ZFPM2: variants seen among roughly 807,000 people sequenced by gnomAD.
ZFPM2 encodes zinc finger protein, FOG family member 2, also known as zinc finger protein ZFPM2.
A neutral mutation model predicts 98.6 loss-of-function variants in ZFPM2; 20 were observed. The observed-to-expected ratio is 0.20, with a 90% CI of 0.14 to 0.29. ZFPM2 has a LOEUF of 0.29. Ranked by LOEUF, ZFPM2 falls within the 10% of genes least tolerant of loss-of-function variation. The probability of loss-of-function intolerance (pLI) is 1.00; values close to 1 mark genes in which losing one functional copy is unlikely to be tolerated. For missense variants in ZFPM2, 1,310 were observed against 1,388.6 expected (o/e 0.94, Z 0.90); for synonymous variants, 518 against 502.7 (o/e 1.03, Z -0.41).
intron 5 of ZFPM2, among the ~76,000 whole-genome samples, chr8:105,699,962 T>C (rs936352393): frequency 6.6e-6 from 1 of 152,212 alleles, no homozygotes; most frequent in Non-Finnish European, 1.5e-5. Context: ...AAAAATGAAA[T>C]GTAAATACTT....
chr8:105,393,330 C>CTGTCTTTCTTTCTTTCTTTCTT (rs1245789213), intron 1 of ZFPM2, among the ~76,000 whole-genome samples: 1 of 132,834 alleles, frequency 7.5e-6, no homozygotes, highest in Non-Finnish European at 1.6e-5. Context: ...CCCTCTCTCT[C>CTGTCTTTCTTTCTTTCTTTCTT]TCTTTGCCTT....
chr8:105,616,075 T>G (rs1816408477), intron 4 of ZFPM2, among the ~76,000 whole-genome samples: 1 of 152,050 alleles, frequency 6.6e-6, no homozygotes, highest in Admixed American at 6.6e-5. Flanking sequence ...ATTTGCATAT[T>G]CTGAAATGTT....
intron 4 of ZFPM2, among the ~76,000 whole-genome samples, chr8:105,562,940 A>C (rs1382490595): frequency 6.6e-6 from 1 of 152,236 alleles, no homozygotes; most frequent in Non-Finnish European, 1.5e-5. Context: ...ACAATAGCTG[A>C]AAACCTCTCT....
chr8:105,585,879 T>C (rs1224791301), intron 4 of ZFPM2, among the ~76,000 whole-genome samples: 1 of 151,880 alleles, frequency 6.6e-6, no homozygotes, highest in Non-Finnish European at 1.5e-5. Flanking sequence ...ACCTAAGATA[T>C]ATTTTAGGAT....
chr8:105,386,863 C>T (rs373833340), intron 1 of ZFPM2, among the ~76,000 whole-genome samples: 2 of 152,024 alleles, frequency 1.3e-5, no homozygotes, highest in East Asian at 1.9e-4. Context: ...AAGTTCTCCA[C>T]GTACCCACTA....
intron 4 of ZFPM2, among the ~76,000 whole-genome samples, chr8:105,571,000 A>G (rs1435802750): frequency 5.9e-5 from 9 of 152,182 alleles, no homozygotes; most frequent in Admixed American, 5.9e-4. Flanking sequence ...GATTAGTGCT[A>G]TTAATTTAAT....
chr8:105,727,389 A>C (rs1386801385), intron 5 of ZFPM2, among the ~76,000 whole-genome samples: 3 of 151,718 alleles, frequency 2.0e-5, no homozygotes, highest in African/African-American at 2.4e-5. Context: ...TACATAAATA[A>C]ATAAAGCATA....
At chr8:105,431,285 C>G (rs1812015356) in intron 2 of ZFPM2, among the ~76,000 whole-genome samples, 1 of 152,250 alleles carries the variant, frequency 6.6e-6, no homozygotes, top group Admixed American at 6.5e-5. Context: ...ATGCCCAACT[C>G]TAAATTACGT....
At chr8:105,391,171 C>T (rs934872294) in intron 1 of ZFPM2, among the ~76,000 whole-genome samples, 1 of 152,178 alleles carries the variant, frequency 6.6e-6, no homozygotes, top group Non-Finnish European at 1.5e-5. Flanking sequence ...CAGTATGGTA[C>T]CATTTTTCCA....
intron 5 of ZFPM2, among the ~76,000 whole-genome samples, chr8:105,761,054 T>C (rs1372283313): frequency 6.6e-6 from 1 of 151,986 alleles, no homozygotes; most frequent in African/African-American, 2.4e-5. Flanking sequence ...AACAAAGGTA[T>C]ATCATCTTGA....
At chr8:105,324,192 A>C (rs978614902) in intron 1 of ZFPM2, among the ~76,000 whole-genome samples, 3 of 151,856 alleles carry the variant, frequency 2.0e-5, no homozygotes, top group African/African-American at 7.2e-5. Context: ...GTTAATACAA[A>C]GATTTATACA....
chr8:105,332,835 A>G (rs1375961398), intron 1 of ZFPM2, among the ~76,000 whole-genome samples: 2 of 151,692 alleles, frequency 1.3e-5, no homozygotes, highest in Non-Finnish European at 1.5e-5. Context: ...CAAGAGGTTA[A>G]GGAGCATGGT....
intron 5 of ZFPM2, among the ~76,000 whole-genome samples, chr8:105,718,425 GGATA>G (rs1340542124): frequency 6.6e-6 from 1 of 151,950 alleles, no homozygotes; most frequent in African/African-American, 2.4e-5. Context: ...AACTGTAGCA[GGATA>G]GAGATTCACC....
At chr8:105,439,910 G>C (rs1326965732) in intron 2 of ZFPM2, among the ~76,000 whole-genome samples, 1 of 152,152 alleles carries the variant, frequency 6.6e-6, no homozygotes, top group Non-Finnish European at 1.5e-5. Flanking sequence ...TCACCTAAGT[G>C]GTAAATAATT....
chr8:105,562,340 AT>A (rs1428300778), intron 4 of ZFPM2, among the ~76,000 whole-genome samples: 4,168 of 151,634 alleles, frequency 0.027, 198 homozygotes, highest in African/African-American at 0.096. Flanking sequence ...AAATAAATAA[AT>A]AAATAAATAA....
At chr8:105,348,880 C>A (rs1257987992) in intron 1 of ZFPM2, among the ~76,000 whole-genome samples, 3 of 152,166 alleles carry the variant, frequency 2.0e-5, no homozygotes, top group Non-Finnish European at 2.9e-5. Context: ...GGTTGAACAG[C>A]ACACACCGTA....
chr8:105,790,444 T>C (rs944341005), intron 6 of ZFPM2, among the ~76,000 whole-genome samples: 3 of 152,208 alleles, frequency 2.0e-5, no homozygotes, highest in African/African-American at 7.2e-5. Flanking sequence ...GTTCCATTGA[T>C]CTATATCTAT....
At chr8:105,764,807 G>A (rs923569555) in intron 5 of ZFPM2, among the ~76,000 whole-genome samples, 1 of 151,678 alleles carries the variant, frequency 6.6e-6, no homozygotes, top group Non-Finnish European at 1.5e-5. Context: ...TTTAGAATCT[G>A]TCATTTTCAT....
intron 3 of ZFPM2, among the ~76,000 whole-genome samples, chr8:105,452,613 G>A (rs530179764): frequency 3.3e-5 from 5 of 151,944 alleles, no homozygotes; most frequent in South Asian, 2.1e-4. Flanking sequence ...TTAGCCAGAC[G>A]TGGTGACTGG....
Sources: allele counts gnomAD v4.1 joint callset (sites outside exome capture counted in the v4.1 genomes callset), GRCh38; gene constraint gnomAD v4.1.1; transcripts MANE v1.5; gene names NCBI Gene and HGNC (gene_info 2026-07-23, HGNC 2026-07-21).